Variants in SOX5 observed in about 807,000 individuals in gnomAD.
SOX5 encodes SRY-box transcription factor 5, also known as transcription factor SOX-5.
In SOX5, 9 loss-of-function variants were observed where a neutral mutation model predicts 92.0. The observed-to-expected ratio is 0.10, with a 90% CI of 0.06 to 0.17. The LOEUF is 0.17. SOX5 is among the 10% of genes least tolerant of loss of function. The pLI is 1.00. For missense variants in SOX5, 642 were observed against 944.5 expected (o/e 0.68, Z 4.20); for synonymous variants, 344 against 336.3 (o/e 1.02, Z -0.25).
chr12:23,825,571 T>C (rs1202369278), intron 3 of SOX5, among the ~76,000 whole-genome samples: 1 of 152,204 alleles, frequency 6.6e-6, no homozygotes, highest in East Asian at 1.9e-4. Flanking sequence ...TATGTGTTTG[T>C]ATGCGTGTAT....
At chr12:24,548,230 C>CAA (rs1491301930) in intron 1 of SOX5, among the ~76,000 whole-genome samples, 1 of 152,186 alleles carries the variant, frequency 6.6e-6, no homozygotes, top group Non-Finnish European at 1.5e-5. Flanking sequence ...GACACAAACT[C>CAA]ACAATATCTC....
At chr12:23,680,048 G>A (rs553988703) in intron 6 of SOX5, among the ~76,000 whole-genome samples, 39 of 151,762 alleles carry the variant, frequency 2.6e-4, no homozygotes, top group African/African-American at 8.7e-4. Flanking sequence ...ATAACAGGCC[G>A]GGCATGGTGG....
intron 1 of SOX5, among the ~76,000 whole-genome samples, chr12:24,390,442 T>A (rs1390671200): frequency 1.3e-5 from 2 of 152,172 alleles, no homozygotes; most frequent in Non-Finnish European, 2.9e-5. Context: ...GTATAATGTT[T>A]TTATAGATTT....
At chr12:24,388,286 G>T (rs575012356) in intron 1 of SOX5, among the ~76,000 whole-genome samples, 2 of 152,246 alleles carry the variant, frequency 1.3e-5, no homozygotes, top group East Asian at 3.9e-4. Context: ...CCTTTGCCCA[G>T]CTTGGTGCCC....
At chr12:23,588,211 T>A (rs1951014372) in intron 9 of SOX5, among the ~76,000 whole-genome samples, 1 of 152,000 alleles carries the variant, frequency 6.6e-6, no homozygotes, top group Non-Finnish European at 1.5e-5. Context: ...ACTATAATAT[T>A]AAATTCAAGG....
At chr12:23,845,861 TAG>T in intron 3 of SOX5, 120 bp downstream of exon 3, 1 of 755,708 alleles carries the variant, frequency 1.3e-6, no homozygotes, top group Non-Finnish European at 2.2e-6. Flanking sequence ...TTCATAGCAA[TAG>T]GTTTCCATCT....
At chr12:23,534,855 G>A (rs1316766084) in intron 14 of SOX5, among the ~76,000 whole-genome samples, 6 of 151,866 alleles carry the variant, frequency 4.0e-5, no homozygotes, top group Non-Finnish European at 8.8e-5. Context: ...GAATACAGGC[G>A]CCTGCCACCA....
chr12:24,419,880 G>A (rs1965650240), intron 1 of SOX5, among the ~76,000 whole-genome samples: 4 of 152,154 alleles, frequency 2.6e-5, no homozygotes. Flanking sequence ...ATAGATAAGA[G>A]GCTGTAGAGA....
chr12:23,936,661 T>C (rs1435524116), intron 1 of SOX5, among the ~76,000 whole-genome samples: 2 of 150,748 alleles, frequency 1.3e-5, no homozygotes, highest in Non-Finnish European at 3.0e-5. Flanking sequence ...AGCAGCACCA[T>C]CCAATAGAAA....
intron 2 of SOX5, among the ~76,000 whole-genome samples, chr12:24,290,132 T>G (rs937266900): frequency 5.4e-4 from 82 of 152,228 alleles, no homozygotes; most frequent in South Asian, 1.5e-3. Flanking sequence ...AAAAATAGGG[T>G]AAAAATCTCA....
chr12:24,108,379 A>G (rs1946930575), intron 4 of SOX5, among the ~76,000 whole-genome samples: 2 of 152,152 alleles, frequency 1.3e-5, no homozygotes, highest in Non-Finnish European at 2.9e-5. Flanking sequence ...GTCATCAAGA[A>G]ATGTTCATCA....
intron 6 of SOX5, among the ~76,000 whole-genome samples, chr12:23,669,042 T>A (rs902036174): frequency 1.2e-4 from 3 of 24,062 alleles, no homozygotes; most frequent in Admixed American, 6.8e-4. Context: ...TTTCATTACA[T>A]GTCCCTATTT....
rs566244410 is a variant in SOX5 at position 24,123,202 on chromosome 12, T to C, written c.-2+90141A>G. On this transcript the variant is annotated intron_variant, in intron 4 of 4. Coordinates refer to the SOX5 transcript ENST00000446891. Reference sequence around the variant, plus strand: ...TTCACTAGCATCTGAGGGGATGTTCTTTTGTTTCTTTGTTGAAAAGAAGTA... The same window carrying C: ...TTCACTAGCATCTGAGGGGATGTTCCTTTGTTTCTTTGTTGAAAAGAAGTA... 2.0e-5 allele frequency among the ~76,000 whole-genome samples: 3 copies of C among 152,372 alleles called. No individual in the cohort carries two copies. The South Asian group carries it at 6.2e-4, about 32-fold the overall frequency.
At chr12:24,113,614 T>A (rs1947632719) in intron 4 of SOX5, among the ~76,000 whole-genome samples, 1 of 152,046 alleles carries the variant, frequency 6.6e-6, no homozygotes, top group Non-Finnish European at 1.5e-5. Flanking sequence ...TAATAAATAA[T>A]AAAGATAAAA....
chr12:24,065,423 T>A (rs1940507702), intron 4 of SOX5, among the ~76,000 whole-genome samples: 1 of 151,768 alleles, frequency 6.6e-6, no homozygotes, highest in Non-Finnish European at 1.5e-5. Context: ...CCAAGGTGGG[T>A]GGATCACGAG....
At chr12:23,829,962 T>C (rs566546463) in intron 3 of SOX5, among the ~76,000 whole-genome samples, 7 of 152,276 alleles carry the variant, frequency 4.6e-5, no homozygotes, top group African/African-American at 1.7e-4. Context: ...CTCCAGGACC[T>C]GCTATATAAA....
chr12:23,847,236 C>G (rs1464199145), intron 2 of SOX5, among the ~76,000 whole-genome samples: 8 of 152,004 alleles, frequency 5.3e-5, no homozygotes, highest in Non-Finnish European at 1.0e-4. Context: ...AAGCTGTATC[C>G]TAAGATCTTT....
At chr12:24,116,431 A>T (rs1390024521) in intron 4 of SOX5, among the ~76,000 whole-genome samples, 1 of 152,156 alleles carries the variant, frequency 6.6e-6, no homozygotes, top group Non-Finnish European at 1.5e-5. Flanking sequence ...CTCAAGGCAG[A>T]TTTTTGTAAA....
chr12:24,267,129 G>C (rs570246543), intron 3 of SOX5, among the ~76,000 whole-genome samples: 6 of 152,276 alleles, frequency 3.9e-5, no homozygotes, highest in African/African-American at 1.4e-4. Flanking sequence ...AGGAGGCTGA[G>C]GTGGGAGGAA....
Sources: allele counts gnomAD v4.1 joint callset (sites outside exome capture counted in the v4.1 genomes callset), GRCh38; gene constraint gnomAD v4.1.1; transcripts MANE v1.5; gene names NCBI Gene and HGNC (gene_info 2026-07-23, HGNC 2026-07-21).